The following MAP3K7 variants were observed in gnomAD, a reference collection of about 807,000 sequenced individuals.
The protein encoded by MAP3K7 is TGF-beta activated kinase 1.
In MAP3K7, 21 loss-of-function variants were observed where a neutral mutation model predicts 84.8. The ratio of observed to expected loss-of-function variants is 0.25; its 90% CI spans 0.18 to 0.36. The LOEUF (loss-of-function observed/expected upper bound fraction) is 0.36. MAP3K7 is among the 10% of genes least tolerant of loss of function. The pLI is 1.00. For synonymous variants in MAP3K7, 241 were observed against 247.7 expected, an observed-to-expected ratio of 0.97 and a Z score of 0.25; for missense variants, 503 against 747.7, an observed-to-expected ratio of 0.67 and a Z score of 3.82.
intron 13 of MAP3K7, among the ~76,000 whole-genome samples, 168 bp downstream of exon 13, chr6:90,536,169 T>A (rs1254147111): frequency 6.6e-6 from 1 of 152,086 alleles, no homozygotes; most frequent in Non-Finnish European, 1.5e-5. Flanking sequence ...AAATTAACAA[T>A]GGCACCTATG....
In MAP3K7 at chr6:90,552,123, G is replaced by A. The variant is rs1421803205; in HGVS notation, c.793C>T (p.Arg265Cys). The change falls in exon 8 of 17, where the codon CGT becomes TGT. Residue 265 changes from arginine (R) to cysteine (C), a missense_variant. Arg to Cys is a radical substitution (Grantham distance 180). Coordinates refer to ENST00000369329, the MANE Select transcript of MAP3K7 (RefSeq NM_145331.3). ...LPKPIESLMT[R>C]CWSKDPSQRP... ...TGGGAAGGATCTTTAGACCAACAAC[G>A]AGTCATCAGGCTCTCAATGGGCTTA... is the stretch of plus-strand genomic sequence containing the variant. 52 of 1,612,790 alleles carry A rather than the reference G, an allele frequency of 3.2e-5. No individual in the cohort carries two copies. Among genetic ancestry groups the A allele is most frequent in the East Asian group, 4.5e-5 (2 of 44,858 alleles).
At chr6:90,566,954 A>C (rs1001058977) in intron 3 of MAP3K7, among the ~76,000 whole-genome samples, 40 of 152,264 alleles carry the variant, frequency 2.6e-4, no homozygotes, top group Non-Finnish European at 4.7e-4. Context: ...CAAAAACAAG[A>C]AATGGGGAAA....
rs538607000 is a variant in MAP3K7, at chr6:90,519,453, T to C, written c.1463-134A>G. The C allele has an allele frequency of 4.9e-4, 307 of 627,626 alleles. 1 individual carries two copies. In the East Asian group the frequency reaches 8.4e-3, roughly 17 times the overall value. 38.9% of individuals were successfully genotyped at this position (627,626 alleles called of 1,614,324 possible). ...AATTAAAAGTTACAGCTATTGGTAA[T>C]TGAAGAGTCTATTTCTGAATTCTAA... On this transcript the variant is annotated intron_variant, in intron 14 of 16. Coordinates refer to ENST00000369329, the MANE Select transcript of MAP3K7 (RefSeq NM_145331.3).
At chr6:90,574,723 C>T (rs147068618) in intron 1 of MAP3K7, among the ~76,000 whole-genome samples, 1 of 152,278 alleles carries the variant, frequency 6.6e-6, no homozygotes, top group East Asian at 1.9e-4. Context: ...ATTCATTTGA[C>T]TATTTGTAAT....
chr6:90,526,038 G>A (rs1482270336), intron 13 of MAP3K7, among the ~76,000 whole-genome samples: 1 of 151,850 alleles, frequency 6.6e-6, no homozygotes, highest in Non-Finnish European at 1.5e-5. Flanking sequence ...TTGTAGAGAT[G>A]GGATCTTGTT....
chr6:90,539,864 C>T (rs1214559324), intron 12 of MAP3K7, among the ~76,000 whole-genome samples: 3 of 151,900 alleles, frequency 2.0e-5, no homozygotes, highest in Non-Finnish European at 2.9e-5. Flanking sequence ...ATCTATTTTT[C>T]AGTTAAAATG....
intron 13 of MAP3K7, among the ~76,000 whole-genome samples, chr6:90,530,680 A>T (rs1363435905): frequency 6.6e-6 from 1 of 152,222 alleles, no homozygotes; most frequent in Non-Finnish European, 1.5e-5. Context: ...AAATATGCTA[A>T]TATGTTTGTA....
intron 14 of MAP3K7, among the ~76,000 whole-genome samples, chr6:90,521,418 A>G (rs751626324): frequency 2.8e-4 from 43 of 152,042 alleles, no homozygotes; most frequent in Non-Finnish European, 5.9e-5. Context: ...TTCTTTGAGT[A>G]TGCATTCCCT....
chr6:90,561,885 T>C (rs931458787), intron 3 of MAP3K7, among the ~76,000 whole-genome samples: 3 of 152,156 alleles, frequency 2.0e-5, no homozygotes, highest in Admixed American at 1.3e-4. Context: ...GTATGTAAAA[T>C]ACAATCACAG....
At chr6:90,567,398 G>A (rs933156145) in intron 3 of MAP3K7, among the ~76,000 whole-genome samples, 29 of 152,296 alleles carry the variant, frequency 1.9e-4, no homozygotes, top group African/African-American at 6.5e-4. Context: ...CAAAAAGTGG[G>A]CAAAGGATAT....
intron 3 of MAP3K7, among the ~76,000 whole-genome samples, chr6:90,567,347 G>T (rs1776743354): frequency 6.6e-6 from 1 of 152,098 alleles, no homozygotes; most frequent in Non-Finnish European, 1.5e-5. Flanking sequence ...AATCTACAAA[G>T]AACTTAAACA....
At chr6:90,533,482 C>G (rs141424565) in intron 13 of MAP3K7, among the ~76,000 whole-genome samples, 19 of 152,210 alleles carry the variant, frequency 1.2e-4, no homozygotes, top group African/African-American at 4.1e-4. Flanking sequence ...GGGGTTCGTT[C>G]CAGATTGGCC....
chr6:90,575,271 T>G (rs157432), intron 1 of MAP3K7, among the ~76,000 whole-genome samples: 52,389 of 151,992 alleles, frequency 0.34, 9,222 homozygotes, highest in South Asian at 0.42. Context: ...TTAAAAACTT[T>G]TAAACACTTA....
chr6:90,523,623 T>G (rs929948872), intron 14 of MAP3K7, 55 bp downstream of exon 14: 19 of 1,183,330 alleles, frequency 1.6e-5, no homozygotes, highest in Non-Finnish European at 2.3e-5. Context: ...CATGGCCAAA[T>G]GAATATAAAC....
intron 6 of MAP3K7, among the ~76,000 whole-genome samples, chr6:90,553,867 AC>A (rs1414632406): frequency 6.6e-6 from 1 of 152,106 alleles, no homozygotes; most frequent in Non-Finnish European, 1.5e-5. Flanking sequence ...ACAGGACTTG[AC>A]TTTTATGTAT....
At chr6:90,544,502 C>G in intron 12 of MAP3K7, 50 bp downstream of exon 12, 1 of 1,499,692 alleles carries the variant, frequency 6.7e-7, no homozygotes, top group Non-Finnish European at 9.3e-7. Context: ...TACCAGGGAT[C>G]ATTATTCCGG....
At chr6:90,537,338 T>C (rs947530403) in intron 12 of MAP3K7, 2 of 152,052 alleles carry the variant, frequency 1.3e-5, no homozygotes, top group African/African-American at 4.8e-5. Context: ...CTCACTCTAA[T>C]TGTAGTTTCC....
intron 3 of MAP3K7, among the ~76,000 whole-genome samples, chr6:90,564,862 C>G (rs1015104301): frequency 6.6e-6 from 1 of 152,188 alleles, no homozygotes; most frequent in African/African-American, 2.4e-5. Flanking sequence ...GAAATTACAA[C>G]AAACTGTCTC....
At chr6:90,556,353 C>G (rs1421252654) in intron 6 of MAP3K7, 147 bp downstream of exon 6, 18 of 739,634 alleles carry the variant, frequency 2.4e-5, no homozygotes, top group Non-Finnish European at 3.5e-5. Flanking sequence ...GGATATAACA[C>G]TATATTTAAT....
Sources: allele counts gnomAD v4.1 joint callset (sites outside exome capture counted in the v4.1 genomes callset), GRCh38; gene constraint gnomAD v4.1.1; transcripts MANE v1.5; gene names NCBI Gene and HGNC (gene_info 2026-07-23, HGNC 2026-07-21).